MTMR11: variants seen among roughly 807,000 people sequenced by gnomAD.
MTMR11 encodes myotubularin related protein 11, also known as myotubularin-related protein 11.
Under a neutral mutation model 100.0 loss-of-function variants are expected in MTMR11, and 89 were observed. That is an observed-to-expected ratio of 0.89 (90% CI 0.75 to 1.06). The LOEUF (loss-of-function observed/expected upper bound fraction) is 1.06, where lower values mean the gene tolerates loss of function less well. MTMR11 is among the 50% of genes least tolerant of loss of function. The probability of loss-of-function intolerance (pLI) is 0.00; values close to 1 mark genes in which losing one functional copy is unlikely to be tolerated. For synonymous variants in MTMR11, 336 were observed against 326.3 expected (o/e 1.03, Z -0.32); for missense variants, 809 against 873.7 (o/e 0.93, Z 0.93).
chr1:149,934,659 GGGCTTCC>G (rs1343197989), intron 5 of MTMR11, 133 bp from the exon 6 acceptor site: 1 of 982,352 alleles, frequency 1.0e-6, no homozygotes, highest in African/African-American at 1.6e-5. Context: ...CTAGAGAAGG[GGGCTTCC>G]TCAGGTCATG....
At chr1:149,930,250 G>T in intron 15 of MTMR11, 115 bp downstream of exon 15, 1 of 1,092,742 alleles carries the variant, frequency 9.2e-7, no homozygotes, top group Non-Finnish European at 1.3e-6. Flanking sequence ...CTGCAGAAGA[G>T]TAGTGGAGTA....
chr1:149,931,649 G>A (rs2092662463), intron 12 of MTMR11: 5 of 583,020 alleles, frequency 8.6e-6, no homozygotes, highest in Non-Finnish European at 1.5e-5. Flanking sequence ...TCACATGTAA[G>A]GGGCAGAATC....
chr1:149,929,285 G>A lies in MTMR11; in HGVS notation c.1974C>T (p.Leu658=). Residue 658 remains leucine, a synonymous_variant, in exon 17 of 17, where the codon CTC becomes CTT. Transcript: ENST00000439741. The stretch of plus-strand genomic sequence containing the variant: ...CCTGAAGATGGGATAGCTCATCCTG[G>A]AGGCCAGAGATTGTGGGAGCTGAGA... The part of the protein sequence containing the change: ...MGLSAPTISG[L]QDELSHLQEL... 6.2e-7 allele frequency: 1 copy of A among 1,614,070 alleles called. No homozygotes were observed. The highest frequency in any genetic ancestry group is 8.5e-7 in the Non-Finnish European group (1 of 1,179,968).
intron 16 of MTMR11, 146 bp from the exon 17 acceptor site, chr1:149,929,463 G>T: frequency 8.4e-7 from 1 of 1,192,012 alleles, no homozygotes. Context: ...GCACTTTCCC[G>T]CACCTCCTAC....
chr1:149,930,542 G>A lies in MTMR11; in HGVS notation c.1470C>T (p.Asn490=). ...WERGKQSGQL[N]SYTQVYTPGY... is the part of the protein sequence containing the mutation. ...CTGGGGTGTAGACTTGTGTATAGGA[G>A]TTTAACTGGACAGAGGAAGCAAGAA... Residue 490 remains asparagine (N), a synonymous_variant, in exon 15 of 17, where the codon AAC becomes AAT. Coordinates refer to ENST00000439741, the MANE Select transcript of MTMR11 (RefSeq NM_001145862.2). The A allele has an allele frequency of 6.2e-7, 1 of 1,610,732 alleles. No individual in the cohort carries two copies. Among genetic ancestry groups the A allele is most frequent in the South Asian group, 1.1e-5 (1 of 90,744 alleles).
chr1:149,932,769 G>A (rs1398683385), intron 10 of MTMR11, among the ~76,000 whole-genome samples: 16 of 151,896 alleles, frequency 1.1e-4, no homozygotes, highest in African/African-American at 3.9e-4. Context: ...CGGGGAACAT[G>A]GTGAAACCTC....
At position 149,929,005 on chromosome 1, in the gene MTMR11, G is replaced by A. The variant is rs1301841766; in HGVS notation, c.*124C>T. ...ACTAAGCAAGACAAGAGTTGGAGCAGTTAACACCACTATCTGCAGCAGAAA... is the reference window on the plus strand; with the variant it reads ...ACTAAGCAAGACAAGAGTTGGAGCAATTAACACCACTATCTGCAGCAGAAA... On this transcript the variant is annotated 3_prime_UTR_variant, in exon 17 of 17. Coordinates refer to ENST00000439741, the MANE Select transcript of MTMR11 (RefSeq NM_001145862.2). 1.2e-6 allele frequency: 2 copies of A among 1,605,570 alleles called. No individual in the cohort carries two copies. Among genetic ancestry groups the A allele is most frequent in the Non-Finnish European group, 1.7e-6 (2 of 1,175,316 alleles).
At position 149,936,565 on chromosome 1, in the gene MTMR11, A is replaced by G. The variant is rs1553769305; in HGVS notation, c.66+17T>C. On this transcript the variant is annotated intron_variant, in intron 1 of 16. Coordinates refer to ENST00000439741, the MANE Select transcript of MTMR11 (RefSeq NM_001145862.2). Reference sequence around the variant, plus strand: ...TCTCACCCTCTTGCCGACACCCCCCAAATTCCTTCTCCTTACCCCCATCTC... The same window carrying G: ...TCTCACCCTCTTGCCGACACCCCCCGAATTCCTTCTCCTTACCCCCATCTC... The G allele has an allele frequency of 6.7e-7, 1 of 1,499,372 alleles. No individual in the cohort carries two copies. The highest frequency in any genetic ancestry group is 2.0e-5 in the Admixed American group (1 of 49,238). 92.9% of individuals were successfully genotyped at this position (1,499,372 alleles called of 1,614,324 possible).
intron 5 of MTMR11, 119 bp downstream of exon 5, chr1:149,934,867 G>T: frequency 1.6e-6 from 2 of 1,274,834 alleles, no homozygotes; most frequent in Non-Finnish European, 2.2e-6. Context: ...GCCTTTCCTT[G>T]AGAGAAGCAG....
chr1:149,934,934 G>T, intron 5 of MTMR11, 52 bp downstream of exon 5: 1 of 1,584,126 alleles, frequency 6.3e-7, no homozygotes, highest in Non-Finnish European at 8.6e-7. Context: ...GTCAGGGAGA[G>T]GATCCCAAGG....
Position 149,929,141 on chromosome 1 carries a change from C to G in MTMR11, c.2118G>C (p.Gly706=). 1 of 1,612,346 alleles carries G rather than the reference C, an allele frequency of 6.2e-7. No homozygotes were observed. The highest frequency in any genetic ancestry group is 8.5e-7 in the Non-Finnish European group (1 of 1,178,942). Reference sequence around the variant, plus strand: ...ACAGAACCCTCCTCTACCCCAGATCCCCCTCTGCCCTGCCTTTGAGAATGC... The same window carrying G: ...ACAGAACCCTCCTCTACCCCAGATCGCCCTCTGCCCTGCCTTTGAGAATGC... ...IAGILKGRAE[G]DLG Residue 706 remains glycine, a synonymous_variant, in exon 17 of 17, where the codon GGG becomes GGC. Transcript: ENST00000439741.
intron 13 of MTMR11, 93 bp from the exon 14 acceptor site, chr1:149,931,058 G>C: frequency 7.2e-7 from 1 of 1,380,030 alleles, no homozygotes; most frequent in Admixed American, 2.6e-5. Flanking sequence ...AGGGAATAGG[G>C]GGAACTTATG....
intron 12 of MTMR11, 26 bp from the exon 13 acceptor site, chr1:149,931,452 CAAA>C: frequency 1.3e-6 from 2 of 1,552,332 alleles, no homozygotes; most frequent in Non-Finnish European, 1.7e-6. Context: ...GAAGAAGGGA[CAAA>C]GAAGAGGGGT....
At position 149,935,067 on chromosome 1, in the gene MTMR11, C is replaced by T. The variant is rs144805216; in HGVS notation, c.387G>A (p.Glu129=). The change falls in exon 5 of 17, where the codon GAG becomes GAA. Residue 129 remains glutamate (E), a synonymous_variant. Coordinates refer to ENST00000439741, the MANE Select transcript of MTMR11 (RefSeq NM_001145862.2). ...RPGSLHKFIP[E]EILIHGRDFR... ...AGTCTCGGCCATGAATCAGAATCTC[C>T]TCAGGGATAAATTTATGCAGGGACC... The T allele has an allele frequency of 5.3e-5, 86 of 1,614,148 alleles. No homozygotes were observed. In the African/African-American group the frequency reaches 1.1e-3, roughly 21 times the overall value.
At chr1:149,930,216 A>T in intron 15 of MTMR11, 149 bp downstream of exon 15, 1 of 843,532 alleles carries the variant, frequency 1.2e-6, no homozygotes, top group Non-Finnish European at 1.8e-6. Flanking sequence ...CTTCCTAGGG[A>T]CACCCAGGGA....
rs782317058 is a variant in MTMR11 at position 149,934,290 on chromosome 1, A to G, written c.584T>C (p.Leu195Pro). The G allele has an allele frequency of 3.1e-6, 5 of 1,614,158 alleles. No individual in the cohort carries two copies. The South Asian group carries it at 5.5e-5, about 18-fold the overall frequency. Reference sequence around the variant, plus strand: ...CTCCCAGTCTTCCGCTGTCTCCATGAGAGGAATTGGTGGTTTTCTGGAGCC... The same window carrying G: ...CTCCCAGTCTTCCGCTGTCTCCATGGGAGGAATTGGTGGTTTTCTGGAGCC... ...GSGSRKPPIP[L>P]METAEDWETE... The change falls in exon 7 of 17, where the codon CTC becomes CCC. Residue 195 changes from leucine (L) to proline (P), a missense_variant. Coordinates refer to ENST00000439741, the MANE Select transcript of MTMR11 (RefSeq NM_001145862.2).
chr1:149,934,168 G>C lies in MTMR11; in HGVS notation c.683+23C>G, dbSNP rs782617607. ...AAGGGAAGATTGGGAGAGCAGCAGG[G>C]TTGGGGTGCACTGGGGGATCACCTG... On this transcript the variant is annotated intron_variant, in intron 7 of 16. Coordinates refer to ENST00000439741, the MANE Select transcript of MTMR11 (RefSeq NM_001145862.2). The C allele has an allele frequency of 1.9e-6, 3 of 1,613,354 alleles. No homozygotes were observed. The South Asian group carries it at 3.3e-5, about 18-fold the overall frequency.
intron 10 of MTMR11, 96 bp from the exon 11 acceptor site, chr1:149,932,426 AGTAATT>A (rs1306671020): frequency 9.5e-6 from 9 of 947,160 alleles, no homozygotes; most frequent in Admixed American, 3.9e-5. Context: ...AGGAATGAAA[AGTAATT>A]GTAAATGGCC....
intron 15 of MTMR11, 54 bp downstream of exon 15, chr1:149,930,311 G>A (rs1195508356): frequency 2.5e-5 from 38 of 1,525,774 alleles, no homozygotes; most frequent in Non-Finnish European, 3.3e-5. Flanking sequence ...TCACTGTCTA[G>A]TAGCATGAGC....
Sources: allele counts gnomAD v4.1 joint callset (sites outside exome capture counted in the v4.1 genomes callset), GRCh38; gene constraint gnomAD v4.1.1; transcripts MANE v1.5; gene names NCBI Gene and HGNC (gene_info 2026-07-23, HGNC 2026-07-21).